Variants in CLDN10 observed in about 807,000 individuals in gnomAD.
The protein encoded by CLDN10 is claudin 10, also known as claudin-10.
CLDN10 carries 15 observed loss-of-function variants against 22.9 expected under a neutral mutation model. The observed-to-expected ratio is 0.65, with a 90% CI of 0.44 to 1.01. CLDN10 has a LOEUF of 1.01. Among genes scored for constraint, CLDN10 ranks in the 50% least tolerant of loss-of-function variants. CLDN10 has a pLI of 0.00. For synonymous variants in CLDN10, 114 were observed against 111.4 expected, an observed-to-expected ratio of 1.02 and a Z score of -0.15; for missense variants, 247 against 287.8, an observed-to-expected ratio of 0.86 and a Z score of 1.03.
intron 1 of CLDN10, among the ~76,000 whole-genome samples, chr13:95,459,928 T>C (rs12865836): frequency 0.21 from 32,107 of 152,246 alleles, 4,197 homozygotes; most frequent in Non-Finnish European, 0.3. Context: ...TACAACTGAA[T>C]GCTTTCAAGA....
intron 3 of CLDN10, among the ~76,000 whole-genome samples, chr13:95,574,468 C>T (rs1318917030): frequency 1.3e-5 from 2 of 152,128 alleles, no homozygotes; most frequent in African/African-American, 4.8e-5. Flanking sequence ...TATGTAGTGA[C>T]TTAGATATTT....
In CLDN10 at chr13:95,470,924, A is replaced by G. The variant is rs754814833; in HGVS notation, c.214+36877A>G. Among the ~76,000 whole-genome samples the G allele has an allele frequency of 6.8e-4, 104 of 152,312 alleles. 2 individuals carry two copies. The highest frequency in any genetic ancestry group is 3.5e-4 in the Non-Finnish European group (24 of 68,026). On this transcript the variant is annotated intron_variant, in intron 1 of 4. Transcript: ENST00000376873. ...CACGTTAACGCCAGCCAACAAATGC[A>G]TGAGCCCCTACTGCGGGCCCGGCTC... is the stretch of plus-strand genomic sequence containing the variant.
chr13:95,445,840 C>T (rs570217329), intron 1 of CLDN10, among the ~76,000 whole-genome samples: 4 of 152,162 alleles, frequency 2.6e-5, no homozygotes, highest in East Asian at 1.9e-4. Flanking sequence ...GTGACATTAG[C>T]GGCACAGGAA....
intron 3 of CLDN10, among the ~76,000 whole-genome samples, chr13:95,564,695 C>A (rs554848017): frequency 6.6e-6 from 1 of 152,314 alleles, no homozygotes; most frequent in Non-Finnish European, 1.5e-5. Context: ...CAACTAAGCT[C>A]ATGAACCAAG....
intron 1 of CLDN10, among the ~76,000 whole-genome samples, chr13:95,522,846 T>C (rs188208346): frequency 1.5e-4 from 23 of 152,166 alleles, no homozygotes; most frequent in African/African-American, 4.8e-4. Flanking sequence ...CCCTAAGTAG[T>C]TTGTCTAATA....
At chr13:95,502,713 G>T (rs2042998369) in intron 1 of CLDN10, among the ~76,000 whole-genome samples, 1 of 152,092 alleles carries the variant, frequency 6.6e-6, no homozygotes, top group Non-Finnish European at 1.5e-5. Context: ...TACAGACAGG[G>T]TCTCACCATG....
intron 1 of CLDN10, among the ~76,000 whole-genome samples, chr13:95,481,973 C>T (rs988862594): frequency 3.3e-5 from 5 of 152,108 alleles, no homozygotes; most frequent in South Asian, 2.1e-4. Flanking sequence ...GAGCAAAGAT[C>T]GCACCACTAC....
chr13:95,523,824 T>G (rs1049631903), intron 1 of CLDN10, among the ~76,000 whole-genome samples: 4 of 152,178 alleles, frequency 2.6e-5, no homozygotes, highest in Non-Finnish European at 5.9e-5. Context: ...TAACTGTTGT[T>G]GGGGCTGTCT....
chr13:95,554,469 G>A (rs2043608547), intron 1 of CLDN10, among the ~76,000 whole-genome samples: 1 of 152,200 alleles, frequency 6.6e-6, no homozygotes, highest in Non-Finnish European at 1.5e-5. Context: ...CTACATGTCT[G>A]CAGTGAGAGT....
chr13:95,525,882 GCT>G (rs928024864), intron 1 of CLDN10, among the ~76,000 whole-genome samples: 7 of 151,990 alleles, frequency 4.6e-5, no homozygotes, highest in Admixed American at 2.0e-4. Context: ...CTTGCATCTA[GCT>G]TTGTGCGCCT....
chr13:95,572,257 A>G (rs2043872965), intron 3 of CLDN10, among the ~76,000 whole-genome samples: 1 of 152,214 alleles, frequency 6.6e-6, no homozygotes, highest in African/African-American at 2.4e-5. Context: ...CTGAAATGAC[A>G]ACTAAAAATA....
Position 95,506,665 on chromosome 13 carries a change from AT to A in CLDN10, c.215-53466del, listed in dbSNP as rs546983173. Among the ~76,000 whole-genome samples the A allele has an allele frequency of 8.1e-3, 1,232 of 152,286 alleles. 3 individuals are homozygous for A. The highest frequency in any genetic ancestry group is 0.015 in the Non-Finnish European group (1,001 of 68,008). On this transcript the variant is annotated intron_variant, in intron 1 of 4. Coordinates refer to the CLDN10 transcript ENST00000376873. Reference sequence around the variant, plus strand: ...CAGGACAACAGTTGGTGAACCAAGTATGGTTTGGTCTCTCCATCAACACTGT... The same window carrying A: ...CAGGACAACAGTTGGTGAACCAAGTAGGTTTGGTCTCTCCATCAACACTGT...
chr13:95,552,471 T>C (rs2043576471), upstream of CLDN10, among the ~76,000 whole-genome samples: 1 of 152,184 alleles, frequency 6.6e-6, no homozygotes, highest in African/African-American at 2.4e-5. Context: ...CCGCGGCCCT[T>C]TGGCTCAGGG....
chr13:95,473,853 G>A (rs2042659625), intron 1 of CLDN10, among the ~76,000 whole-genome samples: 1 of 152,208 alleles, frequency 6.6e-6, no homozygotes, highest in Non-Finnish European at 1.5e-5. Context: ...AAGCTTCGGA[G>A]GGAACAAACC....
chr13:95,550,347 C>T (rs9525023), upstream of CLDN10, among the ~76,000 whole-genome samples: 102,188 of 152,058 alleles, frequency 0.67, 34,644 homozygotes, highest in African/African-American at 0.72. Flanking sequence ...CAGTGGACTT[C>T]ATAGCAACTA....
At chr13:95,449,063 C>T (rs2042408695) in intron 1 of CLDN10, among the ~76,000 whole-genome samples, 2 of 151,944 alleles carry the variant, frequency 1.3e-5, no homozygotes, top group South Asian at 4.2e-4. Flanking sequence ...TCTAAATCAC[C>T]TTACTTCCTT....
intron 1 of CLDN10, among the ~76,000 whole-genome samples, chr13:95,488,846 A>C (rs936117858): frequency 1.3e-5 from 2 of 151,964 alleles, no homozygotes; most frequent in Non-Finnish European, 2.9e-5. Flanking sequence ...GTAAACATGC[A>C]TATGCAAGTA....
rs900392418 is a variant in CLDN10 at position 95,505,831 on chromosome 13, T to C, written c.215-54301T>C. ...GTGCAATGGTGCAATCTCGGCTCACTGCAACCTCTGCCTCCCAGGTTCCAG... is the reference window on the plus strand; with the variant it reads ...GTGCAATGGTGCAATCTCGGCTCACCGCAACCTCTGCCTCCCAGGTTCCAG... On this transcript the variant is annotated intron_variant, in intron 1 of 4. Coordinates refer to the CLDN10 transcript ENST00000376873. 7.9e-5 allele frequency among the ~76,000 whole-genome samples: 11 copies of C among 138,900 alleles called. No homozygotes were observed. The Admixed American group carries it at 8.8e-4, about 11-fold the overall frequency. 91.1% of individuals were successfully genotyped at this position (138,900 alleles called of 152,430 possible). A position where few individuals can be genotyped will look rare whatever the true frequency, so the allele number is the denominator to read the frequency against.
At chr13:95,491,907 G>A (rs947943239) in intron 1 of CLDN10, among the ~76,000 whole-genome samples, 19 of 152,116 alleles carry the variant, frequency 1.2e-4, no homozygotes, top group Non-Finnish European at 7.3e-5. Flanking sequence ...GGCTTCCTGT[G>A]AGCCAAACTG....
Sources: gnomAD v4.1 joint callset for allele counts (sites outside exome capture counted in the v4.1 genomes callset) on GRCh38, gnomAD v4.1.1 for gene constraint, MANE v1.5 for transcripts, NCBI Gene and HGNC (gene_info 2026-07-23, HGNC 2026-07-21) for gene names.